TCF12: variants seen among roughly 807,000 people sequenced by gnomAD.
TCF12 encodes the protein transcription factor 12, also known as DNA-binding protein HTF4.
TCF12 carries 45 observed loss-of-function variants against 86.0 expected under a neutral mutation model. That is an observed-to-expected ratio of 0.52 (90% CI 0.41 to 0.67). TCF12 has a LOEUF of 0.67. Among genes scored for constraint, TCF12 ranks in the 30% least tolerant of loss-of-function variants. The pLI, the probability that TCF12 is intolerant of heterozygous loss-of-function variation, is 0.00. For synonymous variants in TCF12, 330 were observed against 299.6 expected (o/e 1.10, Z -1.05); for missense variants, 881 against 859.9 (o/e 1.02, Z -0.31).
intron 3 of TCF12, among the ~76,000 whole-genome samples, chr15:56,987,554 T>G (rs1350573918): frequency 6.6e-6 from 1 of 152,240 alleles, no homozygotes; most frequent in Non-Finnish European, 1.5e-5. Context: ...GCTGCTATTT[T>G]ATTTGCATTT....
rs112444369 is a variant in TCF12 at position 57,011,404 on chromosome 15, A to G, written c.149-52346A>G. ...GCCCCCCGCTTTTCCTTCTATCATG[A>G]TTGTAAGCCTCCTGAGGCCCTCATC... On this transcript the variant is annotated intron_variant, in intron 3 of 20. Coordinates refer to ENST00000333725, the MANE Select transcript of TCF12 (RefSeq NM_207037.2). Among the ~76,000 whole-genome samples, 11 of 151,764 alleles carry G rather than the reference A, an allele frequency of 7.2e-5. 1 individual carries two copies. The highest frequency in any genetic ancestry group is 2.7e-4 in the African/African-American group (11 of 41,376).
At position 57,286,455 on chromosome 15, in the gene TCF12, G is replaced by A. The variant is rs1057078673; in HGVS notation, c.*310G>A. 2.8e-6 allele frequency: 1 copy of A among 356,256 alleles called. No homozygotes were observed. Among genetic ancestry groups the A allele is most frequent in the Non-Finnish European group, 5.6e-6 (1 of 179,708 alleles). The allele number at this position is 356,256 out of a possible 1,614,324, so 22.1% of individuals were successfully genotyped here. A position where few individuals can be genotyped will look rare whatever the true frequency, so the allele number is the denominator to read the frequency against. ...GACTGTCTCGATCTCTCCACTCACCGTGGAAGTTGCCTTGTGCCTAAACTG... is the reference window on the plus strand; with the variant it reads ...GACTGTCTCGATCTCTCCACTCACCATGGAAGTTGCCTTGTGCCTAAACTG... On this transcript the variant is annotated 3_prime_UTR_variant, in exon 21 of 21. Coordinates refer to ENST00000333725, the MANE Select transcript of TCF12 (RefSeq NM_207037.2).
intron 8 of TCF12, among the ~76,000 whole-genome samples, chr15:57,204,666 T>C (rs1285732969): frequency 2.0e-5 from 3 of 152,058 alleles, no homozygotes; most frequent in African/African-American, 4.8e-5. Flanking sequence ...TGCTAGACCA[T>C]GTCTAATAAT....
chr15:57,182,820 T>TA (rs2056438484), intron 6 of TCF12, among the ~76,000 whole-genome samples: 1 of 152,128 alleles, frequency 6.6e-6, no homozygotes, highest in Non-Finnish European at 1.5e-5. Context: ...ATTGCATAGA[T>TA]AAAAAATCTG....
At chr15:56,984,017 G>GAA (rs1211418155) in intron 3 of TCF12, among the ~76,000 whole-genome samples, 2 of 38,196 alleles carry the variant, frequency 5.2e-5, no homozygotes, top group African/African-American at 1.5e-4. Context: ...AAAAAAAAAA[G>GAA]AAGAAGAAGA....
rs766480456 is a variant in TCF12, at chr15:57,197,838, C to T, written c.579+13C>T. Reference sequence around the variant, plus strand: ...TTTGCCTTCTTCTGTAAGTACCTATCTTTTTTTAACTTGATGGTAAACAAA... The same window carrying T: ...TTTGCCTTCTTCTGTAAGTACCTATTTTTTTTTAACTTGATGGTAAACAAA... On this transcript the variant is annotated intron_variant, in intron 8 of 20. Transcript: ENST00000333725. 2 of 1,612,684 alleles carry T rather than the reference C, an allele frequency of 1.2e-6. No individual in the cohort carries two copies. Among genetic ancestry groups the T allele is most frequent in the African/African-American group, 1.3e-5 (1 of 74,832 alleles).
At chr15:57,068,706 T>C (rs1206678071) in intron 4 of TCF12, among the ~76,000 whole-genome samples, 1 of 152,206 alleles carries the variant, frequency 6.6e-6, no homozygotes, top group African/African-American at 2.4e-5. Flanking sequence ...AGAATCAAAG[T>C]TGATTTAAGG....
At chr15:57,133,235 A>C (rs2052273859) in intron 5 of TCF12, among the ~76,000 whole-genome samples, 1 of 152,248 alleles carries the variant, frequency 6.6e-6, no homozygotes. Flanking sequence ...GCCATCTTCA[A>C]ATAGGAAGAA....
chr15:57,239,515 CAAAA>C (rs67591734), intron 12 of TCF12, among the ~76,000 whole-genome samples: 1 of 107,170 alleles, frequency 9.3e-6, no homozygotes, highest in Admixed American at 1.1e-4. Flanking sequence ...GACTCCATCT[CAAAA>C]AAAAAAAAAA....
chr15:57,040,238 A>G (rs1016737162), intron 3 of TCF12, among the ~76,000 whole-genome samples: 5 of 152,330 alleles, frequency 3.3e-5, no homozygotes, highest in African/African-American at 9.6e-5. Context: ...ATTCTGAACC[A>G]TTAATTTATC....
rs138763296 is a variant in TCF12 at position 56,980,835 on chromosome 15, G to T, written c.148+59737G>T. Among the ~76,000 whole-genome samples, 39 of 152,304 alleles carry T rather than the reference G, an allele frequency of 2.6e-4. 1 individual carries two copies. In the East Asian group the frequency reaches 7.5e-3, roughly 29 times the overall value. On this transcript the variant is annotated intron_variant, in intron 3 of 20. Transcript: ENST00000333725. Reference sequence around the variant, plus strand: ...CTCTCAGATTTGTGCTTTCCGTGAAGATAGATATTATTTGTATGTTTATTT... The same window carrying T: ...CTCTCAGATTTGTGCTTTCCGTGAATATAGATATTATTTGTATGTTTATTT...
At position 56,954,038 on chromosome 15, in the gene TCF12, T is replaced by C. The variant is rs140976696; in HGVS notation, c.148+32940T>C. ...TTGAGACCTTTCTTTTTTTCTAATA[T>C]AGGCCTTTAGTGCTATAAATTTTCT... On this transcript the variant is annotated intron_variant, in intron 3 of 20. Coordinates refer to ENST00000333725, the MANE Select transcript of TCF12 (RefSeq NM_207037.2). Among the ~76,000 whole-genome samples the C allele has an allele frequency of 8.5e-5, 13 of 152,224 alleles. No homozygotes were observed. In the East Asian group the frequency reaches 2.3e-3, roughly 27 times the overall value.
At chr15:57,007,869 CCT>C (rs2064539618) in intron 3 of TCF12, among the ~76,000 whole-genome samples, 2 of 26,142 alleles carry the variant, frequency 7.7e-5, no homozygotes, top group African/African-American at 3.0e-4. Context: ...TTCCTTCCTT[CCT>C]TCCTTCCTTC....
At chr15:56,975,561 G>A (rs1480996035) in intron 3 of TCF12, among the ~76,000 whole-genome samples, 1 of 152,030 alleles carries the variant, frequency 6.6e-6, no homozygotes, top group African/African-American at 2.4e-5. Context: ...AGCCTGCCTA[G>A]CTGTATTATC....
intron 4 of TCF12, among the ~76,000 whole-genome samples, chr15:57,080,240 T>C (rs2070508196): frequency 1.3e-5 from 2 of 152,202 alleles, no homozygotes; most frequent in African/African-American, 4.8e-5. Context: ...CACCTACCTC[T>C]CATAACTTGA....
At chr15:56,940,541 CCTT>C (rs1277796587) in intron 3 of TCF12, among the ~76,000 whole-genome samples, 43 of 146,906 alleles carry the variant, frequency 2.9e-4, no homozygotes, top group African/African-American at 8.8e-4. Context: ...TCCTTCTTCT[CCTT>C]CTTCTTCCTT....
At chr15:57,072,755 C>T (rs2069514058) in intron 4 of TCF12, 1 of 1,246,938 alleles carries the variant, frequency 8.0e-7, no homozygotes, top group African/African-American at 1.6e-5. Flanking sequence ...TCCCATTAAT[C>T]TCTGTTTTGT....
chr15:57,098,568 T>C (rs1429817203), intron 5 of TCF12, among the ~76,000 whole-genome samples: 1 of 152,158 alleles, frequency 6.6e-6, no homozygotes, highest in Non-Finnish European at 1.5e-5. Context: ...TTTAGTGTGA[T>C]AGAGGGATAA....
intron 20 of TCF12, among the ~76,000 whole-genome samples, chr15:57,285,376 A>G (rs1293615992): frequency 6.6e-6 from 1 of 152,250 alleles, no homozygotes; most frequent in East Asian, 1.9e-4. Context: ...AAAATTTCAG[A>G]GTTACTGCTA....
Sources: allele counts gnomAD v4.1 joint callset (sites outside exome capture counted in the v4.1 genomes callset), GRCh38; gene constraint gnomAD v4.1.1; transcripts MANE v1.5; gene names NCBI Gene and HGNC (gene_info 2026-07-23, HGNC 2026-07-21).